ZPBP: variants seen among roughly 807,000 people sequenced by gnomAD.
ZPBP encodes the protein zona pellucida binding protein.
A neutral mutation model predicts 44.8 loss-of-function variants in ZPBP; 26 were observed. The ratio of observed to expected loss-of-function variants is 0.58; its 90% CI spans 0.43 to 0.81. ZPBP has a LOEUF of 0.81. Ranked by LOEUF, ZPBP falls within the 30% of genes least tolerant of loss-of-function variation. The pLI is 0.00. For missense variants in ZPBP, 409 were observed against 434.0 expected (o/e 0.94, Z 0.51); for synonymous variants, 174 against 153.2 (o/e 1.14, Z -1.00).
chr7:50,050,674 G>A (rs929852206), intron 4 of ZPBP, among the ~76,000 whole-genome samples: 13 of 149,598 alleles, frequency 8.7e-5, no homozygotes, highest in Non-Finnish European at 1.5e-4. Flanking sequence ...GAACTGGCTA[G>A]CCATATGCAG....
intron 6 of ZPBP, among the ~76,000 whole-genome samples, chr7:49,991,113 G>C (rs554665847): frequency 6.6e-6 from 1 of 152,208 alleles, no homozygotes; most frequent in Non-Finnish European, 1.5e-5. Flanking sequence ...TAATCAAAAG[G>C]GGTTGGAAAA....
intron 4 of ZPBP, among the ~76,000 whole-genome samples, chr7:50,034,569 A>C (rs1799744726): frequency 6.6e-6 from 1 of 152,196 alleles, no homozygotes; most frequent in Non-Finnish European, 1.5e-5. Flanking sequence ...TCCAGATGTT[A>C]ACTTTTGTTT....
At chr7:50,069,078 C>A (rs1801690046) in intron 3 of ZPBP, among the ~76,000 whole-genome samples, 1 of 152,196 alleles carries the variant, frequency 6.6e-6, no homozygotes, top group Non-Finnish European at 1.5e-5. Flanking sequence ...TCTGAGACGG[C>A]CTGCCTGACT....
intron 7 of ZPBP, among the ~76,000 whole-genome samples, chr7:49,964,315 T>C (rs951356694): frequency 1.3e-5 from 2 of 151,928 alleles, no homozygotes; most frequent in African/African-American, 4.8e-5. Flanking sequence ...AATGAGGAAA[T>C]AGACAACATA....
chr7:49,961,558 TA>T (rs1795861317), intron 7 of ZPBP, among the ~76,000 whole-genome samples: 2 of 152,134 alleles, frequency 1.3e-5, no homozygotes, highest in African/African-American at 4.8e-5. Flanking sequence ...GTCAAGTCAC[TA>T]AACTGTAAAA....
intron 1 of ZPBP, among the ~76,000 whole-genome samples, chr7:50,090,435 C>G (rs1387805400): frequency 3.3e-5 from 5 of 151,242 alleles, no homozygotes; most frequent in Admixed American, 2.6e-4. Context: ...TAATCCATTC[C>G]TTTTTATAGT....
chr7:50,081,658 A>G, intron 3 of ZPBP, 116 bp downstream of exon 3: 2 of 1,318,964 alleles, frequency 1.5e-6, no homozygotes, highest in Non-Finnish European at 2.1e-6. Context: ...AAAGGAAATC[A>G]CAAGAAAAAG....
chr7:49,865,011 ATT>A (rs145173370), intron 2 of ZPBP, among the ~76,000 whole-genome samples: 106,300 of 151,334 alleles, frequency 0.7, 37,759 homozygotes, highest in East Asian at 0.88. Flanking sequence ...CCTACTCTCA[ATT>A]TTTTCTGATA....
intron 7 of ZPBP, among the ~76,000 whole-genome samples, chr7:49,957,015 C>T (rs989550391): frequency 6.6e-6 from 1 of 152,078 alleles, no homozygotes; most frequent in Non-Finnish European, 1.5e-5. Context: ...GTGATTAGAC[C>T]ATGAGGGCTT....
At chr7:49,913,390 A>C (rs1195499686) in intron 1 of ZPBP, 4 of 152,228 alleles carry the variant, frequency 2.6e-5, no homozygotes, top group Non-Finnish European at 5.9e-5. Context: ...AAATAGTTCT[A>C]CCTTTATCAA....
intron 3 of ZPBP, among the ~76,000 whole-genome samples, chr7:50,061,155 C>A (rs986261990): frequency 2.0e-5 from 3 of 152,102 alleles, no homozygotes; most frequent in African/African-American, 7.2e-5. Flanking sequence ...ATCAAAGGAA[C>A]ATACCTCAAC....
chr7:50,074,586 G>C (rs1435369640), intron 3 of ZPBP, among the ~76,000 whole-genome samples: 3 of 151,860 alleles, frequency 2.0e-5, no homozygotes, highest in Admixed American at 6.6e-5. Context: ...GATACTTCAT[G>C]CCAATGGAGA....
chr7:49,959,795 T>C (rs1795774862), intron 7 of ZPBP, among the ~76,000 whole-genome samples: 1 of 152,098 alleles, frequency 6.6e-6, no homozygotes, highest in Non-Finnish European at 1.5e-5. Flanking sequence ...AAAGCAATCT[T>C]TAAAATAAAA....
intron 2 of ZPBP, among the ~76,000 whole-genome samples, chr7:49,891,762 C>T (rs1792138224): frequency 6.6e-6 from 1 of 152,172 alleles, no homozygotes; most frequent in Non-Finnish European, 1.5e-5. Context: ...TCTTCCATTC[C>T]TGTGATAGTT....
the ZPBP span, among the ~76,000 whole-genome samples, chr7:49,844,274 A>G: frequency 2.0e-5 from 3 of 152,178 alleles, no homozygotes; most frequent in Non-Finnish European, 2.9e-5. Context: ...CGTCGATTCT[A>G]TCCTCTCAAC....
intron 2 of ZPBP, among the ~76,000 whole-genome samples, chr7:50,086,998 G>GTT (rs1802694678): frequency 2.6e-5 from 4 of 152,102 alleles, no homozygotes; most frequent in African/African-American, 7.2e-5. Context: ...CTCATAAAAA[G>GTT]TCATAATGAA....
At chr7:49,930,008 A>G (rs952130312) in intron 1 of ZPBP, among the ~76,000 whole-genome samples, 4 of 152,242 alleles carry the variant, frequency 2.6e-5, no homozygotes, top group Admixed American at 6.5e-5. Context: ...CCCTTATAGT[A>G]TCAGGTAACC....
rs771955717 is a variant in ZPBP at position 49,970,466 on chromosome 7, C to CTTTTTTT, written c.961+12869_961+12875dup. Among the ~76,000 whole-genome samples the CTTTTTTT allele has an allele frequency of 4.5e-4, 38 of 85,208 alleles. 2 individuals carry two copies. Among genetic ancestry groups the CTTTTTTT allele is most frequent in the East Asian group, 6.6e-4 (2 of 3,008 alleles). 55.9% of individuals were successfully genotyped at this position (85,208 alleles called of 152,430 possible). On this transcript the variant is annotated intron_variant, in intron 7 of 7. Coordinates refer to ENST00000046087, the MANE Select transcript of ZPBP (RefSeq NM_007009.3). ...ACCCTCCACACAACAGCTGAATATACTTTTTTTTTTTTTTTTTTTTTTTTT... is the reference window on the plus strand; with the variant it reads ...ACCCTCCACACAACAGCTGAATATACTTTTTTTTTTTTTTTTTTTTTTTTTTTTTTTT...
intron 4 of ZPBP, among the ~76,000 whole-genome samples, chr7:50,043,279 C>A (rs1800184282): frequency 6.6e-6 from 1 of 152,192 alleles, no homozygotes; most frequent in African/African-American, 2.4e-5. Flanking sequence ...CTGTTCAGGG[C>A]TCTCAGATCT....
Sources: allele counts gnomAD v4.1 joint callset (sites outside exome capture counted in the v4.1 genomes callset), GRCh38; gene constraint gnomAD v4.1.1; transcripts MANE v1.5; gene names NCBI Gene and HGNC (gene_info 2026-07-23, HGNC 2026-07-21).